The following ZNF516 variants were observed in gnomAD, a reference collection of about 807,000 sequenced individuals.
ZNF516 encodes zinc finger protein 516.
A neutral mutation model predicts 79.7 loss-of-function variants in ZNF516; 19 were observed. That is an observed-to-expected ratio of 0.24 (90% CI 0.17 to 0.35). ZNF516 has a LOEUF of 0.35. ZNF516 is among the 10% of genes least tolerant of loss of function. The pLI is 1.00. For synonymous variants in ZNF516, 877 were observed against 739.5 expected, an observed-to-expected ratio of 1.19 and a Z score of -3.02; for missense variants, 1,678 against 1,679.5, an observed-to-expected ratio of 1.00 and a Z score of 0.02.
chr18:76,442,020 T>C lies in ZNF516; in HGVS notation c.1035A>G (p.Thr345=), dbSNP rs769423904. The change falls in exon 3 of 7, where the codon ACA becomes ACG. Residue 345 remains threonine, a synonymous_variant. Coordinates refer to ENST00000443185, the MANE Select transcript of ZNF516 (RefSeq NM_014643.4). ...TGTGGGCGTTCAAGCTGTCCAGGTTTGTAAACAGGTTCCCGCACTTGGCGC... is the reference window on the plus strand; with the variant it reads ...TGTGGGCGTTCAAGCTGTCCAGGTTCGTAAACAGGTTCCCGCACTTGGCGC... ...EVCAKCGNLF[T]NLDSLNAHNA... 1 of 1,613,878 alleles carries C rather than the reference T, an allele frequency of 6.2e-7. No individual in the cohort carries two copies. Among genetic ancestry groups the C allele is most frequent in the South Asian group, 1.1e-5 (1 of 91,088 alleles).
intron 3 of ZNF516, among the ~76,000 whole-genome samples, chr18:76,405,742 C>T (rs775403857): frequency 1.2e-4 from 19 of 152,154 alleles, no homozygotes; most frequent in Admixed American, 3.9e-4. Context: ...CTGACACACG[C>T]GTGATGAATG....
intron 4 of ZNF516, among the ~76,000 whole-genome samples, chr18:76,375,076 G>C (rs1406057311): frequency 6.6e-6 from 1 of 152,186 alleles, no homozygotes; most frequent in Non-Finnish European, 1.5e-5. Context: ...AGGAAATCCA[G>C]GCTGCACAGA....
chr18:76,431,604 G>A (rs548113579), intron 3 of ZNF516, among the ~76,000 whole-genome samples: 10 of 152,320 alleles, frequency 6.6e-5, no homozygotes, highest in East Asian at 5.8e-4. Context: ...GGTCCCTTAC[G>A]AATGGCTTGG....
At chr18:76,384,949 CAG>C (rs2074961850) in intron 3 of ZNF516, among the ~76,000 whole-genome samples, 1 of 152,222 alleles carries the variant, frequency 6.6e-6, no homozygotes, top group Non-Finnish European at 1.5e-5. Flanking sequence ...GGGCACACAC[CAG>C]AGAGGGAAGG....
intron 3 of ZNF516, among the ~76,000 whole-genome samples, chr18:76,407,419 T>A (rs1012011273): frequency 6.6e-6 from 1 of 152,056 alleles, no homozygotes; most frequent in Non-Finnish European, 1.5e-5. Flanking sequence ...AGACCCTGTC[T>A]CATAACAAAG....
At chr18:76,421,509 T>C (rs1385315490) in intron 3 of ZNF516, among the ~76,000 whole-genome samples, 1 of 152,170 alleles carries the variant, frequency 6.6e-6, no homozygotes, top group East Asian at 1.9e-4. Context: ...GAGTTCTGTG[T>C]TTGCAAAGCT....
intron 1 of ZNF516, among the ~76,000 whole-genome samples, chr18:76,471,151 T>C (rs1913812325): frequency 6.6e-6 from 1 of 152,150 alleles, no homozygotes; most frequent in African/African-American, 2.4e-5. Flanking sequence ...AAAGATGGTA[T>C]TATGAAAAAC....
Position 76,442,581 on chromosome 18 carries a change from C to A in ZNF516, c.474G>T (p.Lys158Asn), listed in dbSNP as rs140311885. 5.4e-4 allele frequency: 862 copies of A among 1,598,248 alleles called. No individual in the cohort carries two copies. Among genetic ancestry groups the A allele is most frequent in the Non-Finnish European group, 7.0e-4 (830 of 1,179,298 alleles). ...SGRVLLRSSK[K>N]GAEGSACAPG... ...GGGCGCATGCGGACCCCTCTGCCCC[C>A]TTCTTGCTGCTCCGCAGCAGGACTC... Residue 158 changes from lysine (K) to asparagine (N), a missense_variant, in exon 3 of 7, where the codon AAG (lysine) becomes AAT (asparagine). Coordinates refer to ENST00000443185, the MANE Select transcript of ZNF516 (RefSeq NM_014643.4).
At chr18:76,494,416 T>A (rs1915395765) in intron 1 of ZNF516, among the ~76,000 whole-genome samples, 1 of 130,544 alleles carries the variant, frequency 7.7e-6, no homozygotes, top group African/African-American at 3.0e-5. Flanking sequence ...GAGGAGTCCC[T>A]GCCCACCCCT....
At position 76,472,952 on chromosome 18, in the gene ZNF516, T is replaced by C. The variant is rs139136192; in HGVS notation, c.-271-9811A>G. 2.7e-3 allele frequency among the ~76,000 whole-genome samples: 411 copies of C among 152,082 alleles called. 6 individuals are homozygous for C. Among genetic ancestry groups the C allele is most frequent in the Admixed American group, 0.024 (374 of 15,300 alleles). ...ACAACAGCCAAAAAAGGAATGACAA[T>C]AGCAATGTGGGGAGAGGGAGGAGAT... On this transcript the variant is annotated intron_variant, in intron 1 of 6. Transcript: ENST00000443185.
chr18:76,491,559 GCGGGCGC>G (rs964155164), intron 1 of ZNF516: 4 of 148,950 alleles, frequency 2.7e-5, no homozygotes, highest in Non-Finnish European at 5.9e-5. Context: ...GGGGCGGGGG[GCGGGCGC>G]CGGGGGGCGG....
chr18:76,367,839 T>C (rs754700828), intron 6 of ZNF516, among the ~76,000 whole-genome samples: 16 of 152,224 alleles, frequency 1.1e-4, no homozygotes, highest in Non-Finnish European at 2.1e-4. Flanking sequence ...AATAAATTAT[T>C]ATAAAATGGA....
intron 3 of ZNF516, among the ~76,000 whole-genome samples, chr18:76,435,866 T>C (rs1330326551): frequency 2.6e-5 from 4 of 152,208 alleles, no homozygotes; most frequent in Non-Finnish European, 5.9e-5. Context: ...TCTCACCAGA[T>C]CCCACTCTGG....
At chr18:76,452,459 A>G (rs1912472595) in intron 2 of ZNF516, among the ~76,000 whole-genome samples, 1 of 152,184 alleles carries the variant, frequency 6.6e-6, no homozygotes, top group Non-Finnish European at 1.5e-5. Context: ...GCGAACTCTG[A>G]TCCTTTAAGC....
intron 3 of ZNF516, among the ~76,000 whole-genome samples, chr18:76,395,675 C>T (rs1411300136): frequency 1.3e-5 from 2 of 151,844 alleles, no homozygotes; most frequent in Non-Finnish European, 2.9e-5. Context: ...TCAGTGACCA[C>T]GGACAGGCTG....
intron 3 of ZNF516, among the ~76,000 whole-genome samples, chr18:76,401,029 C>T (rs1012050723): frequency 2.0e-5 from 3 of 151,650 alleles, no homozygotes; most frequent in African/African-American, 7.3e-5. Flanking sequence ...CTCTTCTCTC[C>T]TATTTTTAAA....
intron 2 of ZNF516, among the ~76,000 whole-genome samples, chr18:76,458,775 G>A (rs1912905018): frequency 6.7e-6 from 1 of 148,728 alleles, no homozygotes; most frequent in Non-Finnish European, 1.5e-5. Context: ...TGTGCCTCGT[G>A]TGCGTGCCTC....
At position 76,462,437 on chromosome 18, in the gene ZNF516, G is replaced by A. The variant is rs865790373; in HGVS notation, c.-158+591C>T. On this transcript the variant is annotated intron_variant, in intron 2 of 6. Transcript: ENST00000443185. The stretch of plus-strand genomic sequence containing the variant: ...TTTAGAAACATCGCCGTCAGGGCAG[G>A]TCTCAGCAGAGAGATTAGCGGTCCA... 2.6e-5 allele frequency among the ~76,000 whole-genome samples: 4 copies of A among 152,338 alleles called. No individual in the cohort carries two copies. In the South Asian group the frequency reaches 8.3e-4, roughly 32 times the overall value.
chr18:76,438,670 G>A (rs541574016), intron 3 of ZNF516, among the ~76,000 whole-genome samples: 4 of 152,128 alleles, frequency 2.6e-5, no homozygotes, highest in South Asian at 2.1e-4. Flanking sequence ...TTCAACTGAC[G>A]AAACATGTTC....
Sources: allele counts gnomAD v4.1 joint callset (sites outside exome capture counted in the v4.1 genomes callset), GRCh38; gene constraint gnomAD v4.1.1; transcripts MANE v1.5; gene names NCBI Gene and HGNC (gene_info 2026-07-23, HGNC 2026-07-21).